The following AGTPBP1 variants were observed in gnomAD, a reference collection of about 807,000 sequenced individuals.
AGTPBP1 encodes ATP/GTP binding carboxypeptidase 1.
Under a neutral mutation model 143.9 loss-of-function variants are expected in AGTPBP1, and 70 were observed. The ratio of observed to expected loss-of-function variants is 0.49; its 90% CI spans 0.40 to 0.59. The LOEUF (loss-of-function observed/expected upper bound fraction) is 0.59, where lower values mean the gene tolerates loss of function less well. Ranked by LOEUF, AGTPBP1 falls within the 20% of genes least tolerant of loss-of-function variation. The pLI, the probability that AGTPBP1 is intolerant of heterozygous loss-of-function variation, is 0.00. For synonymous variants in AGTPBP1, 463 were observed against 500.2 expected, an observed-to-expected ratio of 0.93 and a Z score of 0.99; for missense variants, 1,229 against 1,464.5, an observed-to-expected ratio of 0.84 and a Z score of 2.62.
At chr9:85,784,453 G>C in the AGTPBP1 span, among the ~76,000 whole-genome samples, 1 of 152,108 alleles carries the variant, frequency 6.6e-6, no homozygotes, top group Non-Finnish European at 1.5e-5. Flanking sequence ...TGTTGCCCAG[G>C]CTGGAGTGTA....
At chr9:85,687,987 G>A (rs1835592223) in intron 3 of AGTPBP1, among the ~76,000 whole-genome samples, 1 of 150,996 alleles carries the variant, frequency 6.6e-6, no homozygotes, top group Non-Finnish European at 1.5e-5. Context: ...CTACTCAGGG[G>A]GCTGAGGCAG....
At chr9:85,647,506 G>A (rs1375801776) in intron 11 of AGTPBP1, among the ~76,000 whole-genome samples, 2 of 152,036 alleles carry the variant, frequency 1.3e-5, no homozygotes, top group Non-Finnish European at 2.9e-5. Context: ...TGAGGAATGA[G>A]GTGGCTCATG....
chr9:85,774,061 G>A, the AGTPBP1 span: 1 of 1,479,642 alleles, frequency 6.8e-7, no homozygotes, highest in East Asian at 2.3e-5. Context: ...TGACAGTTAT[G>A]TAAAGTTGAT....
At chr9:85,738,061 A>ACTTTTTTTTTTT (rs1823925652) in intron 1 of AGTPBP1, among the ~76,000 whole-genome samples, 1 of 152,050 alleles carries the variant, frequency 6.6e-6, no homozygotes, top group African/African-American at 2.4e-5. Flanking sequence ...TTTTTGTTTT[A>ACTTTTTTTTTTT]AAAAAAAGTT....
chr9:85,684,822 C>A (rs568215020), intron 3 of AGTPBP1, among the ~76,000 whole-genome samples: 5 of 152,070 alleles, frequency 3.3e-5, no homozygotes, highest in South Asian at 4.1e-4. Context: ...CTTCAATTAT[C>A]TGAATGTTAG....
chr9:85,554,619 A>G (rs907733059), intron 25 of AGTPBP1, among the ~76,000 whole-genome samples: 1 of 152,188 alleles, frequency 6.6e-6, no homozygotes, highest in Non-Finnish European at 1.5e-5. Flanking sequence ...GCCCTACTCT[A>G]AAAGCCTCCC....
chr9:85,630,675 T>G (rs947549748), intron 14 of AGTPBP1, among the ~76,000 whole-genome samples: 2 of 152,112 alleles, frequency 1.3e-5, no homozygotes, highest in African/African-American at 4.8e-5. Flanking sequence ...AGATGGGGTT[T>G]CACTATACTG....
chr9:85,621,468 T>C (rs888636958), intron 14 of AGTPBP1, among the ~76,000 whole-genome samples, 183 bp from the exon 15 acceptor site: 1 of 151,224 alleles, frequency 6.6e-6, no homozygotes, highest in Non-Finnish European at 1.5e-5. Flanking sequence ...AAAATCAGTA[T>C]CAGAATTTGA....
At chr9:85,573,609 G>A (rs1791625905) in intron 25 of AGTPBP1, among the ~76,000 whole-genome samples, 2 of 149,888 alleles carry the variant, frequency 1.3e-5, no homozygotes, top group South Asian at 2.1e-4. Flanking sequence ...TGCCCAGTCT[G>A]GAAAGTGAGG....
rs780242109 is a variant in AGTPBP1, at chr9:85,681,344, T to G, written c.158-9A>C. 1 of 1,608,968 alleles carries G rather than the reference T, an allele frequency of 6.2e-7. No homozygotes were observed. The highest frequency in any genetic ancestry group is 8.5e-7 in the Non-Finnish European group (1 of 1,178,744). On this transcript the variant is annotated splice_polypyrimidine_tract_variant and intron_variant, in intron 3 of 25. Coordinates refer to ENST00000357081, the MANE Select transcript of AGTPBP1 (RefSeq NM_001330701.2). ...TTCTCTCCTTGTTTTTTCTGAAAAG[T>G]AGCAAACAATTTTTTTCTCAAACAT...
chr9:85,573,098 C>G (rs1488232978), intron 25 of AGTPBP1, among the ~76,000 whole-genome samples: 1 of 152,012 alleles, frequency 6.6e-6, no homozygotes, highest in African/African-American at 2.4e-5. Flanking sequence ...CCCTCCCCCT[C>G]CCCTTCCCCA....
At chr9:85,724,610 G>A (rs893431160) in intron 1 of AGTPBP1, among the ~76,000 whole-genome samples, 6 of 152,134 alleles carry the variant, frequency 3.9e-5, no homozygotes, top group African/African-American at 1.2e-4. Flanking sequence ...TCAAGGTTGT[G>A]GGGAAAACCA....
At chr9:85,604,268 C>G (rs1397898169) in intron 17 of AGTPBP1, among the ~76,000 whole-genome samples, 1 of 152,208 alleles carries the variant, frequency 6.6e-6, no homozygotes, top group Non-Finnish European at 1.5e-5. Context: ...CAACTCAGCA[C>G]AGAGAGACAG....
At chr9:85,773,314 C>T in the AGTPBP1 span, among the ~76,000 whole-genome samples, 1 of 81,272 alleles carries the variant, frequency 1.2e-5, no homozygotes, top group Non-Finnish European at 2.6e-5. Context: ...AGAATTCCAA[C>T]AAATTCTTTT....
At chr9:85,757,905 A>C in the AGTPBP1 span, among the ~76,000 whole-genome samples, 8 of 152,350 alleles carry the variant, frequency 5.3e-5, no homozygotes, top group South Asian at 1.2e-3. Context: ...AAGTCAAAAA[A>C]ACTCCAAGTA....
chr9:85,688,548 GAATGAAAGACAC>G (rs1835641690), intron 3 of AGTPBP1, among the ~76,000 whole-genome samples: 1 of 152,104 alleles, frequency 6.6e-6, no homozygotes. Flanking sequence ...TCAAAATCAG[GAATGAAAGACAC>G]ATCACTCCCT....
At chr9:85,719,254 G>T (rs1429329294) in intron 1 of AGTPBP1, among the ~76,000 whole-genome samples, 1 of 152,110 alleles carries the variant, frequency 6.6e-6, no homozygotes, top group African/African-American at 2.4e-5. Flanking sequence ...AATTACCTTG[G>T]GCAGTATGGC....
intron 2 of AGTPBP1, among the ~76,000 whole-genome samples, chr9:85,705,294 T>C (rs1167799283): frequency 8.4e-6 from 1 of 119,690 alleles, no homozygotes; most frequent in African/African-American, 3.2e-5. Context: ...TAAAAGAAAA[T>C]GGGAAAAAGC....
chr9:85,656,899 A>G (rs1327873551), intron 10 of AGTPBP1, among the ~76,000 whole-genome samples: 2 of 152,174 alleles, frequency 1.3e-5, no homozygotes, highest in Non-Finnish European at 2.9e-5. Flanking sequence ...AGTACAGCCA[A>G]CTACACATCC....
Sources: allele counts gnomAD v4.1 joint callset (sites outside exome capture counted in the v4.1 genomes callset), GRCh38; gene constraint gnomAD v4.1.1; transcripts MANE v1.5; gene names NCBI Gene and HGNC (gene_info 2026-07-23, HGNC 2026-07-21).